The following CEP85 variants were observed in gnomAD, a reference collection of about 807,000 sequenced individuals.
CEP85 encodes centrosomal protein of 85 kDa.
CEP85 carries 58 observed loss-of-function variants against 93.7 expected under a neutral mutation model. The observed-to-expected ratio is 0.62, with a 90% confidence interval of 0.50 to 0.77. The LOEUF (loss-of-function observed/expected upper bound fraction) is 0.77, where lower values mean the gene tolerates loss of function less well. CEP85 is among the 30% of genes least tolerant of loss of function. The probability of loss-of-function intolerance (pLI) is 0.00; values close to 1 mark genes in which losing one functional copy is unlikely to be tolerated. For synonymous variants in CEP85, 314 were observed against 338.6 expected (o/e 0.93, Z 0.80); for missense variants, 868 against 922.0 (o/e 0.94, Z 0.76).
chr1:26,252,090 G>A (rs1328780133), intron 3 of CEP85, among the ~76,000 whole-genome samples: 1 of 152,014 alleles, frequency 6.6e-6, no homozygotes, highest in East Asian at 1.9e-4. Context: ...AATTAGCCAG[G>A]CATGGTGGCG....
rs552661680 is a variant in CEP85 at position 26,256,438 on chromosome 1, G to A, written c.903+573G>A. Among the ~76,000 whole-genome samples, 9 of 152,010 alleles carry A rather than the reference G, an allele frequency of 5.9e-5. No homozygotes were observed. The South Asian group carries it at 1.7e-3, about 28-fold the overall frequency. ...CCCAACTACTCAGGAGGCTGTGGCA[G>A]GAGAATTGCTTGAACCTGGGAGGCG... is the stretch of plus-strand genomic sequence containing the variant. On this transcript the variant is annotated intron_variant, in intron 4 of 13. Transcript: ENST00000451429.
intron 1 of CEP85, among the ~76,000 whole-genome samples, chr1:26,237,265 T>TA (rs992709549): frequency 5.3e-4 from 81 of 152,284 alleles, no homozygotes; most frequent in African/African-American, 1.9e-3. Context: ...AGGTTTTTAA[T>TA]ATATTGGCAA....
chr1:26,246,870 A>T (rs1417626212), intron 3 of CEP85, among the ~76,000 whole-genome samples: 2 of 151,998 alleles, frequency 1.3e-5, no homozygotes, highest in Non-Finnish European at 2.9e-5. Context: ...ATATGAAGTT[A>T]AAAAAAAGCC....
intron 7 of CEP85, among the ~76,000 whole-genome samples, chr1:26,264,760 C>G (rs1237970372): frequency 6.6e-6 from 1 of 152,052 alleles, no homozygotes; most frequent in African/African-American, 2.4e-5. Context: ...CCTTTGGATT[C>G]TTGATGTTGA....
At chr1:26,248,820 G>A (rs1363399722) in intron 3 of CEP85, among the ~76,000 whole-genome samples, 4 of 137,072 alleles carry the variant, frequency 2.9e-5, no homozygotes, top group Admixed American at 1.6e-4. Context: ...TCCGCCTTCC[G>A]GGTTAATGCC....
intron 12 of CEP85, among the ~76,000 whole-genome samples, 194 bp from the exon 13 acceptor site, chr1:26,276,341 A>G (rs1173036930): frequency 6.6e-6 from 1 of 152,146 alleles, no homozygotes; most frequent in Non-Finnish European, 1.5e-5. Context: ...TGTGGGCCCA[A>G]CCTACCCACA....
At chr1:26,261,872 T>C (rs1417658094) in intron 7 of CEP85, among the ~76,000 whole-genome samples, 2 of 152,174 alleles carry the variant, frequency 1.3e-5, no homozygotes, top group Non-Finnish European at 2.9e-5. Context: ...GGTGGTATTA[T>C]AAGTTTTGCT....
At chr1:26,263,798 A>G (rs780711697) in intron 7 of CEP85, among the ~76,000 whole-genome samples, 12 of 152,218 alleles carry the variant, frequency 7.9e-5, no homozygotes, top group Non-Finnish European at 1.0e-4. Flanking sequence ...TTGGAACAAT[A>G]CATTTAAACT....
Position 26,271,056 on chromosome 1 carries a change from T to G in CEP85, c.1692T>G (p.Gly564=), listed in dbSNP as rs1484253527. The G allele has an allele frequency of 3.1e-6, 5 of 1,613,660 alleles. No homozygotes were observed. Among genetic ancestry groups the G allele is most frequent in the Non-Finnish European group, 4.2e-6 (5 of 1,179,658 alleles). ...CTGTGGAGGAGACCAGTGGAGAAGG[T>G]CCAGAAGTGGAAATGGAGTCCTGGC... ...KQSVEETSGE[G]PEVEMESWQK... The change falls in exon 10 of 14, where the codon GGT becomes GGG. Residue 564 remains glycine, a synonymous_variant. Coordinates refer to ENST00000451429, the MANE Select transcript of CEP85 (RefSeq NM_001319944.2).
At chr1:26,240,482 G>A (rs2089404416) in intron 2 of CEP85, among the ~76,000 whole-genome samples, 1 of 152,022 alleles carries the variant, frequency 6.6e-6, no homozygotes, top group Non-Finnish European at 1.5e-5. Context: ...CCAATGCAAT[G>A]TAAATGCTAT....
intron 1 of CEP85, among the ~76,000 whole-genome samples, 174 bp from the exon 2 acceptor site, chr1:26,239,588 T>C (rs752733596): frequency 8.2e-5 from 12 of 147,096 alleles, no homozygotes; most frequent in Non-Finnish European, 1.8e-4. Flanking sequence ...CTGACCTCAG[T>C]TGATCTGCCC....
At chr1:26,256,213 G>A (rs1374651100) in intron 4 of CEP85, among the ~76,000 whole-genome samples, 1 of 152,200 alleles carries the variant, frequency 6.6e-6, no homozygotes, top group Non-Finnish European at 1.5e-5. Flanking sequence ...TACATAATCT[G>A]TACGGGGTCA....
chr1:26,258,040 G>C, intron 5 of CEP85, 103 bp from the exon 6 acceptor site: 1 of 784,620 alleles, frequency 1.3e-6, no homozygotes, highest in Non-Finnish European at 2.2e-6. Flanking sequence ...GTGATATCCA[G>C]AATCTAAGAT....
intron 7 of CEP85, among the ~76,000 whole-genome samples, chr1:26,267,812 T>C (rs1433946409): frequency 6.6e-6 from 1 of 152,184 alleles, no homozygotes; most frequent in Non-Finnish European, 1.5e-5. Context: ...CATAGTAGAT[T>C]AGGCTTAAAG....
intron 3 of CEP85, among the ~76,000 whole-genome samples, chr1:26,245,996 TTCAA>T (rs1292912971): frequency 6.6e-6 from 1 of 151,388 alleles, no homozygotes; most frequent in Non-Finnish European, 1.5e-5. Context: ...AAAAAGTAAG[TTCAA>T]TCACTTTGTT....
intron 2 of CEP85, among the ~76,000 whole-genome samples, chr1:26,241,681 C>T (rs1247319210): frequency 1.3e-5 from 2 of 152,022 alleles, no homozygotes; most frequent in Non-Finnish European, 2.9e-5. Flanking sequence ...TCAATAGTAT[C>T]TCATTCAGAT....
rs186575835 is a variant in CEP85, at chr1:26,237,305, C to A, written c.-22-2457C>A. ...GTGCAGTCAGTCACCACTATCTAAT[C>A]TCAGAACATTTTGATCACCCTGAAA... On this transcript the variant is annotated intron_variant, in intron 1 of 13. Transcript: ENST00000451429. 3.3e-5 allele frequency among the ~76,000 whole-genome samples: 5 copies of A among 152,238 alleles called. No individual in the cohort carries two copies. In the East Asian group the frequency reaches 7.7e-4, roughly 23 times the overall value.
chr1:26,271,890 A>T, intron 10 of CEP85, 131 bp from the exon 11 acceptor site: 1 of 737,994 alleles, frequency 1.4e-6, no homozygotes, highest in Non-Finnish European at 2.4e-6. Context: ...GGTAGAGTTC[A>T]CTAATCTTTA....
chr1:26,277,016 C>CT, intron 13 of CEP85, 120 bp from the exon 14 acceptor site: 12 of 1,121,844 alleles, frequency 1.1e-5, no homozygotes, highest in South Asian at 1.5e-5. Flanking sequence ...TCCCCAGATG[C>CT]TTTTTTTAAA....
Sources: allele counts gnomAD v4.1 joint callset (sites outside exome capture counted in the v4.1 genomes callset), GRCh38; gene constraint gnomAD v4.1.1; transcripts MANE v1.5; gene names NCBI Gene and HGNC (gene_info 2026-07-23, HGNC 2026-07-21).